The following TPM1 variants were observed in gnomAD, a reference collection of about 807,000 sequenced individuals.
TPM1 encodes tropomyosin alpha-1 chain.
Under a neutral mutation model 42.9 loss-of-function variants are expected in TPM1, and 24 were observed. The observed-to-expected ratio is 0.56, with a 90% CI of 0.41 to 0.79. The LOEUF is 0.79. Among genes scored for constraint, TPM1 ranks in the 30% least tolerant of loss-of-function variants. TPM1 has a pLI of 0.00. For missense variants in TPM1, 158 were observed against 351.8 expected, an observed-to-expected ratio of 0.45 and a Z score of 4.41; for synonymous variants, 136 against 130.1, an observed-to-expected ratio of 1.05 and a Z score of -0.31.
intron 3 of TPM1, among the ~76,000 whole-genome samples, chr15:63,059,313 G>A (rs919865599): frequency 2.0e-5 from 3 of 152,210 alleles, no homozygotes; most frequent in Non-Finnish European, 4.4e-5. Context: ...CATCATTAAT[G>A]TTAGATGCCT....
intron 2 of TPM1, among the ~76,000 whole-genome samples, chr15:63,053,370 A>G (rs1380765510): frequency 6.6e-6 from 1 of 152,114 alleles, no homozygotes; most frequent in Non-Finnish European, 1.5e-5. Context: ...GAGAACTGCC[A>G]GTTCCAAGGT....
intron 2 of TPM1, chr15:63,048,751 C>T: frequency 6.6e-7 from 1 of 1,521,054 alleles, no homozygotes. Flanking sequence ...GAGGCGCATC[C>T]TCCCGGGGCA....
rs1596330366 is a variant in TPM1 at position 63,050,579 on chromosome 15, A to G, written c.241-6406A>G. On this transcript the variant is annotated intron_variant, in intron 2 of 9. Coordinates refer to ENST00000403994, the MANE Select transcript of TPM1 (RefSeq NM_001018005.2). Reference sequence around the variant, plus strand: ...CTCTTCCTGTGCCAGTTGGCTAAAGATAGTACTTTCGTTCTTTTCACGGCT... The same window carrying G: ...CTCTTCCTGTGCCAGTTGGCTAAAGGTAGTACTTTCGTTCTTTTCACGGCT... Among the ~76,000 whole-genome samples, 3 of 152,374 alleles carry G rather than the reference A, an allele frequency of 2.0e-5. No homozygotes were observed. In the South Asian group the frequency reaches 6.2e-4, roughly 32 times the overall value.
At chr15:63,061,382 CT>C (rs764634644) in intron 5 of TPM1, 8 of 997,788 alleles carry the variant, frequency 8.0e-6, no homozygotes, top group Non-Finnish European at 1.1e-5. Context: ...ACTTCACCCT[CT>C]GCTATTTATA....
At chr15:63,065,846 TTC>T in intron 9 of TPM1, 48 bp from the exon 10 acceptor site, 2 of 1,572,810 alleles carry the variant, frequency 1.3e-6, no homozygotes, top group Admixed American at 1.8e-5. Flanking sequence ...TTTTTTTTTT[TTC>T]TCATTGTGCC....
intron 2 of TPM1, among the ~76,000 whole-genome samples, chr15:63,053,883 T>C (rs1176724898): frequency 1.2e-4 from 18 of 151,980 alleles, no homozygotes; most frequent in Non-Finnish European, 5.9e-5. Flanking sequence ...GGTTTCACCA[T>C]GTTGGTCAGG....
intron 1 of TPM1, chr15:63,043,743 G>C: frequency 4.5e-6 from 7 of 1,549,344 alleles, no homozygotes; most frequent in Non-Finnish European, 6.1e-6. Context: ...AAGTTGCTGC[G>C]GGTGTCGGAG....
At chr15:63,043,726 C>A (rs2031731335) in intron 1 of TPM1, 2 of 1,548,346 alleles carry the variant, frequency 1.3e-6, no homozygotes, top group African/African-American at 2.7e-5. Context: ...ACATCGCGGC[C>A]AAGGAGAAGT....
At chr15:63,062,676 T>A (rs2035801425) in intron 8 of TPM1, 31 bp downstream of exon 8, 1 of 1,614,084 alleles carries the variant, frequency 6.2e-7, no homozygotes, top group Non-Finnish European at 8.5e-7. Flanking sequence ...TTTAGTTTAA[T>A]CCTTATGGTT....
intron 9 of TPM1, chr15:63,064,498 T>G: frequency 9.1e-7 from 1 of 1,101,746 alleles, no homozygotes; most frequent in Non-Finnish European, 1.1e-6. Flanking sequence ...TCAAAAAATA[T>G]CAAAATTTGT....
At chr15:63,062,186 G>C (rs2035725880) in intron 6 of TPM1, 29 bp from the exon 7 acceptor site, 1 of 1,606,326 alleles carries the variant, frequency 6.2e-7, no homozygotes, top group African/African-American at 1.3e-5. Flanking sequence ...GCTGCAGCCT[G>C]ACATCTGGAA....
Position 63,066,022 on chromosome 15 carries a change from C to T in TPM1, c.*123C>T. On this transcript the variant is annotated 3_prime_UTR_variant, in exon 10 of 10. Transcript: ENST00000403994. ...TCTCTCTTAGCATCCTGCCTTAGAG[C>T]CAGGCACACACTGTGCTTTCTATTG... 6.4e-7 allele frequency: 1 copy of T among 1,551,904 alleles called. No homozygotes were observed. Among genetic ancestry groups the T allele is most frequent in the Non-Finnish European group, 8.7e-7 (1 of 1,149,108 alleles).
chr15:63,061,683 AC>A, intron 5 of TPM1, 29 bp from the exon 6 acceptor site: 1 of 1,608,894 alleles, frequency 6.2e-7, no homozygotes, highest in African/African-American at 1.3e-5. Context: ...CTTGTCTCCC[AC>A]CCTTTCTGCC....
At chr15:63,065,133 T>G in intron 9 of TPM1, 1 of 985,264 alleles carries the variant, frequency 1.0e-6, no homozygotes, top group Non-Finnish European at 1.2e-6. Flanking sequence ...AGCTTGGGAG[T>G]TAATGGCCCA....
chr15:63,070,049 C>G, downstream of TPM1: 2 of 1,574,950 alleles, frequency 1.3e-6, no homozygotes, highest in Non-Finnish European at 1.7e-6. Flanking sequence ...CAGTTGCTTT[C>G]TGCAGAAATG....
intron 1 of TPM1, chr15:63,043,199 T>TTTA (rs1471591782): frequency 1.8e-6 from 1 of 543,290 alleles, no homozygotes; most frequent in Non-Finnish European, 3.3e-6. Context: ...CTAGAGGCGC[T>TTTA]TTATTCTCAG....
intron 2 of TPM1, chr15:63,048,124 C>T (rs1422815301): frequency 7.0e-6 from 3 of 427,056 alleles, no homozygotes; most frequent in African/African-American, 2.1e-5. Context: ...GGGAGCGGAG[C>T]GCTCCCGCGG....
chr15:63,069,780 T>C (rs560647142), downstream of TPM1: 205 of 1,536,746 alleles, frequency 1.3e-4, no homozygotes, highest in South Asian at 7.9e-4. Flanking sequence ...TGAGGTCTCT[T>C]TGTGTTCTCT....
intron 9 of TPM1, chr15:63,064,964 C>G (rs912400608): frequency 1.4e-5 from 14 of 983,074 alleles, no homozygotes; most frequent in African/African-American, 1.8e-5. Context: ...GAGACTCTGT[C>G]TCAAGAAAAA....
Sources: gnomAD v4.1 joint callset for allele counts (sites outside exome capture counted in the v4.1 genomes callset) on GRCh38, gnomAD v4.1.1 for gene constraint, MANE v1.5 for transcripts, NCBI Gene and HGNC (gene_info 2026-07-23, HGNC 2026-07-21) for gene names.